Variants in CCSER2 observed in about 807,000 individuals in gnomAD.
The protein encoded by CCSER2 is coiled-coil serine rich protein 2, also known as serine-rich coiled-coil domain-containing protein 2.
Under a neutral mutation model 92.3 loss-of-function variants are expected in CCSER2, and 46 were observed. That is an observed-to-expected ratio of 0.50 (90% CI 0.39 to 0.64). The LOEUF is 0.64. Among genes scored for constraint, CCSER2 ranks in the 30% least tolerant of loss-of-function variants. The pLI is 0.00. For missense variants in CCSER2, 1,244 were observed against 1,238.9 expected, an observed-to-expected ratio of 1.00 and a Z score of -0.06; for synonymous variants, 433 against 431.4, an observed-to-expected ratio of 1.00 and a Z score of -0.04.
intron 9 of CCSER2, among the ~76,000 whole-genome samples, chr10:84,493,759 A>G (rs1848296610): frequency 6.6e-6 from 1 of 152,164 alleles, no homozygotes; most frequent in East Asian, 1.9e-4. Flanking sequence ...AGCAGTGTGG[A>G]TGGTTTCAGG....
At chr10:84,384,955 A>G (rs997054035) in intron 3 of CCSER2, among the ~76,000 whole-genome samples, 1 of 151,972 alleles carries the variant, frequency 6.6e-6, no homozygotes, top group Non-Finnish European at 1.5e-5. Flanking sequence ...TCCATACACC[A>G]TCAGTGCTCA....
chr10:84,357,383 C>T (rs972653784), intron 1 of CCSER2, among the ~76,000 whole-genome samples: 2 of 152,120 alleles, frequency 1.3e-5, no homozygotes, highest in Non-Finnish European at 2.9e-5. Context: ...TCCCTTTTCC[C>T]TCCATTGGAC....
chr10:84,506,071 T>G (rs949131988), intron 9 of CCSER2, among the ~76,000 whole-genome samples: 3 of 151,718 alleles, frequency 2.0e-5, no homozygotes, highest in African/African-American at 7.3e-5. Context: ...CCCACGAAAT[T>G]AATCATCTAA....
At chr10:84,394,385 ATGTGTGTGTGTGTGTG>A (rs60891669) in intron 3 of CCSER2, among the ~76,000 whole-genome samples, 7 of 132,600 alleles carry the variant, frequency 5.3e-5, no homozygotes, top group African/African-American at 2.5e-4. Flanking sequence ...AAAGGAAAGT[ATGTGTGTGTGTGTGTG>A]TGTGTGTGTG....
In CCSER2 at chr10:84,372,297, T is replaced by A; in HGVS notation, c.1245T>A (p.Ser415Arg). 1 of 1,612,962 alleles carries A rather than the reference T, an allele frequency of 6.2e-7. No homozygotes were observed. Among genetic ancestry groups the A allele is most frequent in the Non-Finnish European group, 8.5e-7 (1 of 1,179,190 alleles). ...AGAATGATTTAAGTGAAGACTTTAG[T>A]GATGATTTTATAGATATAGAAGACT... is the stretch of plus-strand genomic sequence containing the variant. ...SDKNDLSEDF[S>R]DDFIDIEDSN... The change falls in exon 2 of 10, where the codon AGT becomes AGA. Residue 415 changes from serine to arginine, a missense_variant. Physicochemically the swap from Ser to Arg is moderately radical, Grantham distance 110. Coordinates refer to ENST00000372088, the MANE Select transcript of CCSER2 (RefSeq NM_001284240.2).
intron 6 of CCSER2, among the ~76,000 whole-genome samples, chr10:84,459,016 G>T (rs1390746825): frequency 6.6e-6 from 1 of 151,868 alleles, no homozygotes; most frequent in African/African-American, 2.4e-5. Context: ...AGTAGTTTTT[G>T]TTTTTGTCTT....
At chr10:84,433,917 C>A (rs1457999223) in intron 5 of CCSER2, among the ~76,000 whole-genome samples, 1 of 152,118 alleles carries the variant, frequency 6.6e-6, no homozygotes, top group African/African-American at 2.4e-5. Context: ...TTCATTTCTT[C>A]ATATTTACCT....
chr10:84,502,174 G>A (rs913439639), intron 9 of CCSER2, among the ~76,000 whole-genome samples: 3 of 151,566 alleles, frequency 2.0e-5, no homozygotes, highest in Non-Finnish European at 4.4e-5. Context: ...AATAAATCTA[G>A]TGGTTTTCCA....
At chr10:84,393,725 G>A (rs776511869) in intron 3 of CCSER2, 1 of 152,440 alleles carries the variant, frequency 6.6e-6, no homozygotes, top group Non-Finnish European at 1.5e-5. Context: ...AAAATTAAAG[G>A]TACTGTTTAA....
At chr10:84,467,037 A>G (rs943838822) in intron 7 of CCSER2, among the ~76,000 whole-genome samples, 1 of 152,104 alleles carries the variant, frequency 6.6e-6, no homozygotes, top group Non-Finnish European at 1.5e-5. Context: ...AAATGTGTAT[A>G]TCTCATTTAA....
chr10:84,380,216 A>G (rs908084335), intron 3 of CCSER2, among the ~76,000 whole-genome samples: 2 of 151,728 alleles, frequency 1.3e-5, no homozygotes, highest in African/African-American at 4.8e-5. Flanking sequence ...CATAATTTTA[A>G]TTTACATTTA....
intron 3 of CCSER2, among the ~76,000 whole-genome samples, chr10:84,392,769 G>C (rs1273755081): frequency 6.6e-6 from 1 of 152,126 alleles, no homozygotes; most frequent in Non-Finnish European, 1.5e-5. Context: ...GGGTGTGCAG[G>C]CTGGGTGGAA....
chr10:84,439,977 GT>G, intron 6 of CCSER2, among the ~76,000 whole-genome samples: 1 of 152,266 alleles, frequency 6.6e-6, no homozygotes, highest in Non-Finnish European at 1.5e-5. Context: ...AATATCCACT[GT>G]GAGCCAGTCA....
At chr10:84,343,963 T>A (rs1337293400) in intron 1 of CCSER2, among the ~76,000 whole-genome samples, 1 of 152,232 alleles carries the variant, frequency 6.6e-6, no homozygotes. Context: ...TGTTTAATTG[T>A]CAGTTAATAC....
intron 3 of CCSER2, among the ~76,000 whole-genome samples, chr10:84,399,878 A>T (rs1300485014): frequency 1.3e-5 from 2 of 150,782 alleles, no homozygotes; most frequent in African/African-American, 4.9e-5. Flanking sequence ...GGAAATTTCA[A>T]ATATATTCAC....
chr10:84,352,217 T>C (rs989594747), intron 1 of CCSER2, among the ~76,000 whole-genome samples: 3 of 152,052 alleles, frequency 2.0e-5, no homozygotes, highest in Non-Finnish European at 1.5e-5. Context: ...GGCAGGAGAA[T>C]TGCTTGAACT....
At chr10:84,498,363 GAAAA>G (rs1848556767) in intron 9 of CCSER2, among the ~76,000 whole-genome samples, 1 of 151,786 alleles carries the variant, frequency 6.6e-6, no homozygotes, top group African/African-American at 2.4e-5. Flanking sequence ...ATTAGCAAAA[GAAAA>G]AAGTATAATA....
chr10:84,449,300 G>T (rs1253000521), intron 6 of CCSER2, among the ~76,000 whole-genome samples: 1 of 152,136 alleles, frequency 6.6e-6, no homozygotes, highest in African/African-American at 2.4e-5. Context: ...ACTTGAACAC[G>T]GGAGGCAGAG....
At chr10:84,442,802 A>C (rs371092637) in intron 6 of CCSER2, among the ~76,000 whole-genome samples, 1 of 152,240 alleles carries the variant, frequency 6.6e-6, no homozygotes, top group African/African-American at 2.4e-5. Flanking sequence ...ATATAGACCA[A>C]TGGAACAGAA....
Sources: gnomAD v4.1 joint callset for allele counts (sites outside exome capture counted in the v4.1 genomes callset) on GRCh38, gnomAD v4.1.1 for gene constraint, MANE v1.5 for transcripts, NCBI Gene and HGNC (gene_info 2026-07-23, HGNC 2026-07-21) for gene names.